Variants in TIGD7 observed in about 807,000 individuals in gnomAD.
TIGD7 encodes the protein tigger transposable element derived 7.
Under a neutral mutation model 24.8 loss-of-function variants are expected in TIGD7, and 26 were observed. The observed-to-expected ratio is 1.05, with a 90% CI of 0.77 to 1.45. The LOEUF is 1.45. Among genes scored for constraint, TIGD7 ranks in the 40% most tolerant of loss-of-function variants. The pLI, the probability that TIGD7 is intolerant of heterozygous loss-of-function variation, is 0.00. For missense variants in TIGD7, 679 were observed against 641.6 expected, an observed-to-expected ratio of 1.06 and a Z score of -0.63; for synonymous variants, 221 against 224.1, an observed-to-expected ratio of 0.99 and a Z score of 0.12.
At chr16:3,303,987 C>G (rs1403408428) in intron 1 of TIGD7, 1 of 152,212 alleles carries the variant, frequency 6.6e-6, no homozygotes, top group African/African-American at 2.4e-5. Flanking sequence ...CGCCCACCAC[C>G]ACGCCCGGCT....
rs1567258626 is a variant in TIGD7 at position 3,299,927 on chromosome 16, C to T, written c.688G>A (p.Gly230Arg). The T allele has an allele frequency of 3.1e-6, 5 of 1,612,448 alleles. No individual in the cohort carries two copies. Among genetic ancestry groups the T allele is most frequent in the Non-Finnish European group, 4.2e-6 (5 of 1,179,330 alleles). ...ACACTTTTGGGCAGTTTTGATTTTCCAATAATGATTGACTTTAATTTATGA... is the reference window on the plus strand; with the variant it reads ...ACACTTTTGGGCAGTTTTGATTTTCTAATAATGATTGACTTTAATTTATGA... ...GTHKLKSIII[G>R]KSKLPKSVKE... Residue 230 changes from glycine (G) to arginine (R), a missense_variant, in exon 2 of 2, where the codon GGA (glycine) becomes AGA (arginine). Transcript: ENST00000396862.
At position 3,300,544 on chromosome 16, in the gene TIGD7, G is replaced by A; in HGVS notation, c.71C>T (p.Ala24Val). 6 of 1,613,138 alleles carry A rather than the reference G, an allele frequency of 3.7e-6. No individual in the cohort carries two copies. Among genetic ancestry groups the A allele is most frequent in the Non-Finnish European group, 5.1e-6 (6 of 1,179,738 alleles). ...CATTACACTTTTAAGTGATCGTCCA[G>A]CTTCAATTCTACTTAGAACCTTCAT... ...EKMKVLSRIE[A>V]GRSLKSVMDE... Residue 24 changes from alanine to valine, a missense_variant, in exon 2 of 2, where the codon GCT becomes GTT. By Grantham distance (64) the Ala-to-Val change is moderately conservative. Coordinates refer to ENST00000396862, the MANE Select transcript of TIGD7 (RefSeq NM_033208.4).
intron 1 of TIGD7, 64 bp from the exon 2 acceptor site, chr16:3,302,073 C>A (rs911931798): frequency 6.4e-6 from 1 of 155,292 alleles, no homozygotes; most frequent in African/African-American, 2.4e-5. Context: ...GTTATTCTTC[C>A]TCTTCTTTAG....
chr16:3,300,504 G>A lies in TIGD7; in HGVS notation c.111C>T (p.Ile37=). 1 of 1,613,948 alleles carries A rather than the reference G, an allele frequency of 6.2e-7. No individual in the cohort carries two copies. The highest frequency in any genetic ancestry group is 1.6e-4 in the Middle Eastern group (1 of 6,062). ...SLKSVMDEFG[I]SKSTFYDIKK... ...TAATGTCATAAAATGTTGACTTACT[G>A]ATTCCAAATTCATCCATTACACTTT... The change falls in exon 2 of 2, where the codon ATC becomes ATT. Residue 37 remains isoleucine (I), a synonymous_variant. Coordinates refer to ENST00000396862, the MANE Select transcript of TIGD7 (RefSeq NM_033208.4).
In TIGD7 at chr16:3,299,439, T is replaced by C. The variant is rs757229906; in HGVS notation, c.1176A>G (p.Gln392=). The change falls in exon 2 of 2, where the codon CAA becomes CAG. Residue 392 remains glutamine (Q), a synonymous_variant. Coordinates refer to ENST00000396862, the MANE Select transcript of TIGD7 (RefSeq NM_033208.4). ...NWAKSWEEVK[Q]ITIANAWENL... is the part of the protein sequence containing the mutation. ...TTTCCCATGCATTTGCTATGGTTAT[T>C]TGTTTTACTTCTTCCCAACTTTTTG... 1.9e-6 allele frequency: 3 copies of C among 1,561,130 alleles called. No homozygotes were observed. Among genetic ancestry groups the C allele is most frequent in the South Asian group, 1.2e-5 (1 of 82,174 alleles).
rs1453905151 is a variant in TIGD7 at position 3,300,170 on chromosome 16, C to T, written c.445G>A (p.Val149Ile). The T allele has an allele frequency of 6.2e-7, 1 of 1,614,090 alleles. No individual in the cohort carries two copies. The highest frequency in any genetic ancestry group is 1.3e-5 in the African/African-American group (1 of 74,934). ...CGAAATGGCTCAACATTTTCAGAAA[C>T]TGAACTTAGGACTTGTTCCCCACAT... ...KGCGEQVLSS[V>I]SENVEPFRQK... The change falls in exon 2 of 2, where the codon GTT (valine) becomes ATT (isoleucine). Residue 149 changes from valine (V) to isoleucine (I), a missense_variant. Transcript: ENST00000396862.
intron 1 of TIGD7, among the ~76,000 whole-genome samples, chr16:3,302,557 G>A (rs1362655169): frequency 6.6e-6 from 1 of 152,210 alleles, no homozygotes; most frequent in Non-Finnish European, 1.5e-5. Flanking sequence ...GAATATGGTA[G>A]TAATTAGGGG....
intron 1 of TIGD7, among the ~76,000 whole-genome samples, chr16:3,304,380 A>T (rs1960050478): frequency 1.3e-5 from 2 of 152,150 alleles, no homozygotes; most frequent in African/African-American, 4.8e-5. Flanking sequence ...GGTCTTTTAT[A>T]ATTTCCCCCA....
At chr16:3,302,972 G>C (rs1475496897) in intron 1 of TIGD7, among the ~76,000 whole-genome samples, 1 of 151,686 alleles carries the variant, frequency 6.6e-6, no homozygotes, top group Non-Finnish European at 1.5e-5. Flanking sequence ...TAAGTAGCTG[G>C]GATTACAGGC....
At chr16:3,302,838 T>G (rs969232185) in intron 1 of TIGD7, among the ~76,000 whole-genome samples, 6 of 147,766 alleles carry the variant, frequency 4.1e-5, no homozygotes, top group Admixed American at 2.0e-4. Context: ...GTCGTCTTTT[T>G]TTTTTTTTTT....
Position 3,299,042 on chromosome 16 carries a change from C to A in TIGD7, c.1573G>T (p.Gly525Cys). ...TGAGGCCTAGGTTTCAAAAAGCTACCAATTCTAGAATGGATTTTACTCTGG... is the reference window on the plus strand; with the variant it reads ...TGAGGCCTAGGTTTCAAAAAGCTACAAATTCTAGAATGGATTTTACTCTGG... ...QFQSKIHSRI[G>C]SFLKPRPHNI... Residue 525 changes from glycine (G) to cysteine (C), a missense_variant, in exon 2 of 2, where the codon GGT (glycine) becomes TGT (cysteine). Physicochemically the swap from Gly to Cys is radical, Grantham distance 159 (BLOSUM62 -3). Coordinates refer to ENST00000396862, the MANE Select transcript of TIGD7 (RefSeq NM_033208.4). 7.3e-7 allele frequency: 1 copy of A among 1,378,778 alleles called. No individual in the cohort carries two copies. Among genetic ancestry groups the A allele is most frequent in the Non-Finnish European group, 9.4e-7 (1 of 1,059,754 alleles). 85.4% of individuals were successfully genotyped at this position (1,378,778 alleles called of 1,614,324 possible).
Position 3,300,303 on chromosome 16 carries a change from C to T in TIGD7, c.312G>A (p.Gln104=). 3 of 1,614,228 alleles carry T rather than the reference C, an allele frequency of 1.9e-6. No individual in the cohort carries two copies. Among genetic ancestry groups the T allele is most frequent in the Non-Finnish European group, 2.5e-6 (3 of 1,180,040 alleles). The part of the protein sequence containing the change: ...AGVPVRGVEL[Q]AAAERFARCF... ...ACCGTGCAAATCTCTCTGCAGCAGC[C>T]TGAAGCTCCACGCCTCTTACCGGAA... is the stretch of plus-strand genomic sequence containing the variant. The change falls in exon 2 of 2, where the codon CAG becomes CAA. Residue 104 remains glutamine (Q), a synonymous_variant. Transcript: ENST00000396862.
At position 3,299,161 on chromosome 16, in the gene TIGD7, T is replaced by C; in HGVS notation, c.1454A>G (p.Asp485Gly). 6.4e-7 allele frequency: 1 copy of C among 1,553,972 alleles called. No individual in the cohort carries two copies. Reference protein sequence around the residue: ...FKLSAVRESLDYLLDFVDATP... With the variant: ...FKLSAVRESLGYLLDFVDATP... ...GGCATCAACAAAGTCAAGAAGGTAG[T>C]CCAAACTCTCTCTTACAGCAGATAA... Residue 485 changes from aspartate (D) to glycine (G), a missense_variant, in exon 2 of 2, where the codon GAC becomes GGC. By Grantham distance (94) the Asp-to-Gly change is moderately conservative (BLOSUM62 -1). Transcript: ENST00000396862.
intron 1 of TIGD7, among the ~76,000 whole-genome samples, chr16:3,302,497 T>C (rs1481773371): frequency 2.6e-5 from 4 of 152,194 alleles, no homozygotes; most frequent in African/African-American, 7.2e-5. Context: ...GTAACATTCA[T>C]TGCAAGAAAT....
rs1358093350 is a variant in TIGD7, at chr16:3,299,947, T to C, written c.668A>G (p.Lys223Arg). 2 of 1,613,404 alleles carry C rather than the reference T, an allele frequency of 1.2e-6. No homozygotes were observed. Among genetic ancestry groups the C allele is most frequent in the Non-Finnish European group, 1.7e-6 (2 of 1,179,794 alleles). Reference protein sequence around the residue: ...FLCANADGTHKLKSIIIGKSK... With the variant: ...FLCANADGTHRLKSIIIGKSK... ...TTTTCCAATAATGATTGACTTTAAT[T>C]TATGAGTTCCGTCTGCATTTGCACA... is the stretch of plus-strand genomic sequence containing the variant. Residue 223 changes from lysine to arginine, a missense_variant, in exon 2 of 2, where the codon AAA (lysine) becomes AGA (arginine). Coordinates refer to ENST00000396862, the MANE Select transcript of TIGD7 (RefSeq NM_033208.4).
chr16:3,299,343 A>T lies in TIGD7; in HGVS notation c.1272T>A (p.Leu424=), dbSNP rs1232577687. The T allele has an allele frequency of 6.3e-7, 1 of 1,591,490 alleles. No individual in the cohort carries two copies. Among genetic ancestry groups the T allele is most frequent in the African/African-American group, 1.4e-5 (1 of 73,476 alleles). ...TAGTTTCCAACTCCCCACATTTTTC[A>T]AGAATTTCTCTATAATCCCCATGTT... ...GLEHGDYREI[L]EKCGELETKL... Residue 424 remains leucine, a synonymous_variant, in exon 2 of 2, where the codon CTT becomes CTA. Transcript: ENST00000396862.
chr16:3,302,465 G>A (rs1305111685), intron 1 of TIGD7, among the ~76,000 whole-genome samples: 3 of 152,150 alleles, frequency 2.0e-5, no homozygotes, highest in East Asian at 3.9e-4. Context: ...AAACCCAGAA[G>A]AGTCAGACCA....
In TIGD7 at chr16:3,299,324, C is replaced by T; in HGVS notation, c.1291G>A (p.Glu431Lys). The T allele has an allele frequency of 6.3e-7, 1 of 1,598,188 alleles. No individual in the cohort carries two copies. Among genetic ancestry groups the T allele is most frequent in the Non-Finnish European group, 8.5e-7 (1 of 1,173,766 alleles). The part of the protein sequence containing the change: ...REILEKCGEL[E>K]TKLDDDRVWL... ...ACCCTATCATCATCCAACTTAGTTTCCAACTCCCCACATTTTTCAAGAATT... is the reference window on the plus strand; with the variant it reads ...ACCCTATCATCATCCAACTTAGTTTTCAACTCCCCACATTTTTCAAGAATT... The change falls in exon 2 of 2, where the codon GAA becomes AAA. Residue 431 changes from glutamate to lysine, a missense_variant. Physicochemically the swap from Glu to Lys is moderately conservative, Grantham distance 56. Transcript: ENST00000396862.
chr16:3,300,417 A>G lies in TIGD7; in HGVS notation c.198T>C (p.Ala66=). Residue 66 remains alanine (A), a synonymous_variant, in exon 2 of 2, where the codon GCT becomes GCC. Transcript: ENST00000396862. ...VLKQDMPLVG[A]EKRKRTTGAK... is the part of the protein sequence containing the mutation. ...CTCCCGTTGTCCTCTTTCTCTTCTCAGCCCCTACTAATGGCATGTCCTGCT... is the reference window on the plus strand; with the variant it reads ...CTCCCGTTGTCCTCTTTCTCTTCTCGGCCCCTACTAATGGCATGTCCTGCT... The G allele has an allele frequency of 6.2e-7, 1 of 1,614,180 alleles. No individual in the cohort carries two copies. The highest frequency in any genetic ancestry group is 8.5e-7 in the Non-Finnish European group (1 of 1,180,036).
Sources: allele counts gnomAD v4.1 joint callset (sites outside exome capture counted in the v4.1 genomes callset), GRCh38; gene constraint gnomAD v4.1.1; transcripts MANE v1.5; gene names NCBI Gene and HGNC (gene_info 2026-07-23, HGNC 2026-07-21).